Variants in NRXN3 observed in about 807,000 individuals in gnomAD.
NRXN3 encodes the protein neurexin 3, also known as neurexin III.
Under a neutral mutation model 137.6 loss-of-function variants are expected in NRXN3, and 32 were observed. The observed-to-expected ratio is 0.23, with a 90% CI of 0.18 to 0.31. NRXN3 has a LOEUF of 0.31. NRXN3 is among the 10% of genes least tolerant of loss of function. The pLI is 1.00. For missense variants in NRXN3, 1,574 were observed against 2,062.5 expected (o/e 0.76, Z 4.59); for synonymous variants, 798 against 784.5 (o/e 1.02, Z -0.29).
intron 15 of NRXN3, among the ~76,000 whole-genome samples, chr14:79,365,436 T>C (rs1170286119): frequency 6.6e-6 from 1 of 152,096 alleles, no homozygotes; most frequent in Admixed American, 6.6e-5. Flanking sequence ...AAGAGTTTTA[T>C]TGGCCGGGCG....
At chr14:79,247,821 G>A (rs1387864371) in intron 15 of NRXN3, among the ~76,000 whole-genome samples, 3 of 151,806 alleles carry the variant, frequency 2.0e-5, no homozygotes. Flanking sequence ...TCAAAACCCA[G>A]GAGTTTTTCC....
chr14:78,728,483 C>T (rs992923692), intron 8 of NRXN3, among the ~76,000 whole-genome samples: 3 of 152,178 alleles, frequency 2.0e-5, no homozygotes, highest in African/African-American at 4.8e-5. Context: ...AAGCCACTGA[C>T]ATTCACACAT....
chr14:78,681,303 CG>C (rs1196486759), intron 6 of NRXN3, among the ~76,000 whole-genome samples: 1 of 152,180 alleles, frequency 6.6e-6, no homozygotes, highest in Non-Finnish European at 1.5e-5. Flanking sequence ...TTAGAATCCA[CG>C]TGCAGATGTT....
At chr14:78,172,772 T>C (rs1382578701) in intron 1 of NRXN3, among the ~76,000 whole-genome samples, 1 of 152,142 alleles carries the variant, frequency 6.6e-6, no homozygotes, top group Non-Finnish European at 1.5e-5. Context: ...TGGCCCTTTC[T>C]AGTGAAATAA....
In NRXN3 at chr14:79,606,166, G is replaced by A. The variant is rs12587752; in HGVS notation, c.3445-57612G>A. 0.016 allele frequency among the ~76,000 whole-genome samples: 2,392 copies of A among 152,306 alleles called. 175 individuals are homozygous for A. The East Asian group carries it at 0.25, about 16-fold the overall frequency. Reference sequence around the variant, plus strand: ...TCCGGATAAATCTTCATGATGAAATGTGCAGCCGGTCCACCTCTTCAATCT... The same window carrying A: ...TCCGGATAAATCTTCATGATGAAATATGCAGCCGGTCCACCTCTTCAATCT... On this transcript the variant is annotated intron_variant, in intron 16 of 20. Coordinates refer to ENST00000335750, the MANE Select transcript of NRXN3 (RefSeq NM_001330195.2).
chr14:79,169,719 TA>T (rs1298267885), intron 15 of NRXN3, among the ~76,000 whole-genome samples: 1 of 152,062 alleles, frequency 6.6e-6, no homozygotes, highest in Non-Finnish European at 1.5e-5. Flanking sequence ...TTCACAGGGG[TA>T]AAGATAGAAA....
At chr14:79,418,342 C>T (rs1374049775) in intron 15 of NRXN3, among the ~76,000 whole-genome samples, 2 of 152,020 alleles carry the variant, frequency 1.3e-5, no homozygotes, top group Non-Finnish European at 2.9e-5. Context: ...GAGTGGAAAC[C>T]GTGTTTGATC....
In NRXN3 at chr14:78,501,948, A is replaced by C. The variant is rs375263678; in HGVS notation, c.758-143172A>C. ...TAGAGATCTTCTATGCAGCCCCCCCAGGGTCTGTTCTACTGCAGACCCTGG... is the reference window on the plus strand; with the variant it reads ...TAGAGATCTTCTATGCAGCCCCCCCCGGGTCTGTTCTACTGCAGACCCTGG... On this transcript the variant is annotated intron_variant, in intron 4 of 20. Coordinates refer to ENST00000335750, the MANE Select transcript of NRXN3 (RefSeq NM_001330195.2). 2.7e-3 allele frequency among the ~76,000 whole-genome samples: 407 copies of C among 152,256 alleles called. 3 individuals are homozygous for C. The highest frequency in any genetic ancestry group is 9.4e-3 in the African/African-American group (392 of 41,576).
intron 4 of NRXN3, among the ~76,000 whole-genome samples, chr14:78,345,006 T>C (rs1358199954): frequency 6.6e-6 from 1 of 152,084 alleles, no homozygotes; most frequent in Non-Finnish European, 1.5e-5. Context: ...CCTTGCACTG[T>C]AGAGAATTGT....
At chr14:78,550,953 A>T (rs2096682589) in intron 4 of NRXN3, among the ~76,000 whole-genome samples, 1 of 152,348 alleles carries the variant, frequency 6.6e-6, no homozygotes, top group East Asian at 1.9e-4. Flanking sequence ...GTTGGGTTCA[A>T]ACTCTGGACC....
At chr14:79,257,365 T>C (rs940758731) in intron 15 of NRXN3, among the ~76,000 whole-genome samples, 1 of 121,480 alleles carries the variant, frequency 8.2e-6, no homozygotes, top group African/African-American at 3.2e-5. Context: ...GTGGTGGTGG[T>C]GGTGGTGGTG....
chr14:79,834,222 T>C lies in NRXN3; in HGVS notation c.4094-27120T>C, dbSNP rs2293828. On this transcript the variant is annotated intron_variant, in intron 20 of 20. Coordinates refer to ENST00000335750, the MANE Select transcript of NRXN3 (RefSeq NM_001330195.2). The stretch of plus-strand genomic sequence containing the variant: ...AACAAAACACAGAAATTTCTAATAC[T>C]GGGAGTTTAAAGTGCCACAATGGAA... Among the ~76,000 whole-genome samples, 134 of 152,292 alleles carry C rather than the reference T, an allele frequency of 8.8e-4. 2 individuals are homozygous for C. In the East Asian group the frequency reaches 0.02, roughly 23 times the overall value.
intron 9 of NRXN3, among the ~76,000 whole-genome samples, chr14:78,806,250 C>G (rs1158696523): frequency 6.6e-6 from 1 of 152,092 alleles, no homozygotes; most frequent in Non-Finnish European, 1.5e-5. Context: ...TCTTTCCAAC[C>G]TGACATGGAA....
intron 15 of NRXN3, among the ~76,000 whole-genome samples, chr14:79,398,241 C>G (rs1001375610): frequency 2.0e-5 from 3 of 152,168 alleles, no homozygotes; most frequent in Non-Finnish European, 4.4e-5. Context: ...ATACAACTGG[C>G]TTGGTATCTG....
rs267604069 is a variant in NRXN3, at chr14:78,803,789, G to A, written c.2214G>A (p.Leu738=). The A allele has an allele frequency of 6.2e-7, 1 of 1,614,010 alleles. No homozygotes were observed. Among genetic ancestry groups the A allele is most frequent in the African/African-American group, 1.3e-5 (1 of 75,044 alleles). The change falls in exon 9 of 21, where the codon CTG becomes CTA. Residue 738 remains leucine, a synonymous_variant. Transcript: ENST00000335750. ...CTGCCGACACCCTGCGTCTGGAGCTGGATGGGGGGCGTGTCAAGCTCATGG... is the reference window on the plus strand; with the variant it reads ...CTGCCGACACCCTGCGTCTGGAGCTAGATGGGGGGCGTGTCAAGCTCATGG... ...RDSADTLRLE[L]DGGRVKLMVN...
intron 6 of NRXN3, among the ~76,000 whole-genome samples, chr14:78,686,053 A>G (rs926688237): frequency 1.3e-5 from 2 of 151,630 alleles, no homozygotes; most frequent in African/African-American, 4.8e-5. Flanking sequence ...CTTGTCCATC[A>G]CCATCTAACA....
intron 16 of NRXN3, among the ~76,000 whole-genome samples, chr14:79,628,129 C>CT (rs938069407): frequency 1.3e-5 from 2 of 152,112 alleles, no homozygotes; most frequent in East Asian, 1.9e-4. Context: ...TAGAAAGGCA[C>CT]TTTTTTTCCT....
intron 17 of NRXN3, among the ~76,000 whole-genome samples, chr14:79,665,802 T>G (rs776235144): frequency 2.6e-5 from 4 of 152,164 alleles, no homozygotes; most frequent in African/African-American, 4.8e-5. Context: ...TTTTGGTGTC[T>G]TTCTTTAGTT....
At chr14:78,699,944 A>G (rs146994271) in intron 6 of NRXN3, among the ~76,000 whole-genome samples, 229 of 152,326 alleles carry the variant, frequency 1.5e-3, no homozygotes, top group African/African-American at 5.4e-3. Flanking sequence ...CCATGTGTTT[A>G]TGACGCTTAG....
Sources: gnomAD v4.1 joint callset for allele counts (sites outside exome capture counted in the v4.1 genomes callset) on GRCh38, gnomAD v4.1.1 for gene constraint, MANE v1.5 for transcripts, NCBI Gene and HGNC (gene_info 2026-07-23, HGNC 2026-07-21) for gene names.